Variants in THSD4 observed in about 807,000 individuals in gnomAD.
THSD4 encodes the protein thrombospondin type-1 domain-containing protein 4.
A neutral mutation model predicts 119.0 loss-of-function variants in THSD4; 69 were observed. The observed-to-expected ratio is 0.58, with a 90% CI of 0.48 to 0.71. The LOEUF is 0.71. THSD4 is among the 30% of genes least tolerant of loss of function. THSD4 has a pLI of 0.00. For synonymous variants in THSD4, 524 were observed against 540.4 expected (o/e 0.97, Z 0.42); for missense variants, 1,393 against 1,391.1 (o/e 1.00, Z -0.02).
chr15:71,324,355 A>G (rs1326451591), intron 6 of THSD4, among the ~76,000 whole-genome samples: 1 of 152,172 alleles, frequency 6.6e-6, no homozygotes, highest in Non-Finnish European at 1.5e-5. Context: ...GTTTTTGGTT[A>G]CACAGATGAA....
chr15:71,668,294 T>C (rs1206610263), intron 8 of THSD4, among the ~76,000 whole-genome samples: 1 of 152,106 alleles, frequency 6.6e-6, no homozygotes, highest in Non-Finnish European at 1.5e-5. Flanking sequence ...GGGGCATCAG[T>C]GAGCAAATAT....
chr15:71,693,696 A>G (rs770414703), intron 8 of THSD4, among the ~76,000 whole-genome samples: 2 of 152,134 alleles, frequency 1.3e-5, no homozygotes, highest in Non-Finnish European at 2.9e-5. Flanking sequence ...AGTGGGAGAT[A>G]ATTGAATCAT....
intron 10 of THSD4, among the ~76,000 whole-genome samples, chr15:71,734,587 C>T (rs1398826119): frequency 6.6e-6 from 1 of 152,162 alleles, no homozygotes; most frequent in Non-Finnish European, 1.5e-5. Flanking sequence ...TCACTGTGCA[C>T]TTGTCCAGAC....
intron 2 of THSD4, among the ~76,000 whole-genome samples, chr15:71,147,373 T>A (rs12914813): frequency 0.099 from 15,032 of 152,064 alleles, 965 homozygotes; most frequent in East Asian, 0.37. Flanking sequence ...CCCAGCTCAC[T>A]TTAAAAAAAA....
chr15:71,502,904 G>T (rs1284136696), intron 7 of THSD4, among the ~76,000 whole-genome samples: 1 of 152,190 alleles, frequency 6.6e-6, no homozygotes, highest in Non-Finnish European at 1.5e-5. Flanking sequence ...GTATGTGCCA[G>T]GTGCCGCATC....
upstream of THSD4, chr15:71,111,244 C>A (rs1371633001): frequency 3.1e-6 from 5 of 1,613,828 alleles, no homozygotes; most frequent in African/African-American, 6.7e-5. Flanking sequence ...GAAGTGTGGC[C>A]TGAAGACTCC....
intron 11 of THSD4, among the ~76,000 whole-genome samples, chr15:71,741,723 A>T (rs1364105342): frequency 7.9e-6 from 1 of 126,214 alleles, no homozygotes; most frequent in African/African-American, 2.7e-5. Context: ...ACACACACAC[A>T]CACACTCGGC....
chr15:71,199,645 GTGGTGTGTGTGTGTGA>G (rs2043761671), intron 3 of THSD4, among the ~76,000 whole-genome samples: 1 of 146,324 alleles, frequency 6.8e-6, no homozygotes. Context: ...TGGTGTGTGT[GTGGTGTGTGTGTGTGA>G]TGCATGTGTG....
chr15:71,249,509 T>C (rs2044238831), intron 5 of THSD4, among the ~76,000 whole-genome samples: 1 of 151,566 alleles, frequency 6.6e-6, no homozygotes, highest in African/African-American at 2.4e-5. Flanking sequence ...ATTGACTTCA[T>C]ATATATATAC....
chr15:71,476,791 TC>T (rs1385701090), intron 7 of THSD4, among the ~76,000 whole-genome samples: 1 of 152,158 alleles, frequency 6.6e-6, no homozygotes, highest in African/African-American at 2.4e-5. Context: ...CAGGTCTCTC[TC>T]CCCATCTCTA....
chr15:71,748,871 A>T (rs1004682344), intron 14 of THSD4, among the ~76,000 whole-genome samples: 1 of 152,178 alleles, frequency 6.6e-6, no homozygotes, highest in Non-Finnish European at 1.5e-5. Flanking sequence ...ATTACATCCC[A>T]TCGTTCATAT....
At chr15:71,693,880 A>G (rs190851550) in intron 8 of THSD4, among the ~76,000 whole-genome samples, 5 of 152,240 alleles carry the variant, frequency 3.3e-5, no homozygotes, top group Admixed American at 2.6e-4. Flanking sequence ...TTCCCCAGCT[A>G]TGTGGAACTA....
chr15:71,499,273 C>T (rs1262195016), intron 7 of THSD4, among the ~76,000 whole-genome samples: 1 of 152,150 alleles, frequency 6.6e-6, no homozygotes, highest in Non-Finnish European at 1.5e-5. Flanking sequence ...TTCAATCCTT[C>T]CTCCACGGCC....
At chr15:71,156,315 T>A in intron 3 of THSD4, among the ~76,000 whole-genome samples, 1 of 151,530 alleles carries the variant, frequency 6.6e-6, no homozygotes, top group East Asian at 1.9e-4. Context: ...TGGAGTGCAA[T>A]GGCACGATCT....
At position 71,379,450 on chromosome 15, in the gene THSD4, C is replaced by CT. The variant is rs34326932; in HGVS notation, c.1016-32211dup. Among the ~76,000 whole-genome samples the CT allele has an allele frequency of 8.7e-3, 673 of 77,580 alleles. 92 individuals are homozygous for CT. The highest frequency in any genetic ancestry group is 0.025 in the East Asian group (57 of 2,250). 50.9% of individuals were successfully genotyped at this position (77,580 alleles called of 152,430 possible). ...GACAAATTACTGAAGCAAATGGCTT[C>CT]TTTTTTTTTTTTTTTTTTTTTTTTT... On this transcript the variant is annotated intron_variant, in intron 6 of 17. Coordinates refer to ENST00000261862, the MANE Select transcript of THSD4 (RefSeq NM_024817.3).
chr15:71,704,828 G>T (rs959186358), intron 8 of THSD4, among the ~76,000 whole-genome samples: 4 of 152,296 alleles, frequency 2.6e-5, no homozygotes, highest in African/African-American at 9.6e-5. Context: ...CTAAATCCAA[G>T]TTTGAATCCA....
intron 7 of THSD4, among the ~76,000 whole-genome samples, chr15:71,572,294 A>G (rs1414633750): frequency 1.3e-5 from 2 of 152,220 alleles, no homozygotes; most frequent in African/African-American, 2.4e-5. Flanking sequence ...CAAAACCTTG[A>G]TTGTTCATAG....
intron 1 of THSD4, among the ~76,000 whole-genome samples, chr15:71,097,733 T>A (rs1370843182): frequency 8.7e-5 from 12 of 138,244 alleles, no homozygotes; most frequent in African/African-American, 2.5e-4. Context: ...TATATATTTT[T>A]TTTTTTAAGT....
At chr15:71,341,341 C>G in intron 6 of THSD4, 1 of 1,608,264 alleles carries the variant, frequency 6.2e-7, no homozygotes, top group Non-Finnish European at 8.5e-7. Context: ...GGCGGTGCAT[C>G]TTAGGTGCTT....
Sources: gnomAD v4.1 joint callset for allele counts (sites outside exome capture counted in the v4.1 genomes callset) on GRCh38, gnomAD v4.1.1 for gene constraint, MANE v1.5 for transcripts, NCBI Gene and HGNC (gene_info 2026-07-23, HGNC 2026-07-21) for gene names.